BARX2: variants seen among roughly 807,000 people sequenced by gnomAD.
BARX2 encodes homeobox protein BarH-like 2.
A neutral mutation model predicts 25.5 loss-of-function variants in BARX2; 11 were observed. That is an observed-to-expected ratio of 0.43 (90% CI 0.27 to 0.71). The LOEUF is 0.71. Ranked by LOEUF, BARX2 falls within the 30% of genes least tolerant of loss-of-function variation. The probability of loss-of-function intolerance (pLI) is 0.19; values close to 1 mark genes in which losing one functional copy is unlikely to be tolerated. For missense variants in BARX2, 360 were observed against 359.9 expected (o/e 1.00, Z 0.00); for synonymous variants, 137 against 149.5 (o/e 0.92, Z 0.61).
intron 1 of BARX2, among the ~76,000 whole-genome samples, chr11:129,410,551 A>G (rs1565514499): frequency 6.6e-6 from 1 of 152,164 alleles, no homozygotes; most frequent in Non-Finnish European, 1.5e-5. Flanking sequence ...GAGACACTGA[A>G]TGGGAGGGGT....
chr11:129,424,424 G>C (rs1862041816), intron 1 of BARX2, among the ~76,000 whole-genome samples: 1 of 152,088 alleles, frequency 6.6e-6, no homozygotes, highest in African/African-American at 2.4e-5. Context: ...CTTCCTGTGT[G>C]TCTGCCTGTC....
chr11:129,419,427 G>T (rs1263826473), intron 1 of BARX2, among the ~76,000 whole-genome samples: 1 of 152,162 alleles, frequency 6.6e-6, no homozygotes, highest in African/African-American at 2.4e-5. Context: ...AAGTTTCCAA[G>T]AACCTTTCTA....
chr11:129,403,324 G>A (rs2135394196), intron 1 of BARX2, among the ~76,000 whole-genome samples: 1 of 152,350 alleles, frequency 6.6e-6, no homozygotes, highest in African/African-American at 2.4e-5. Flanking sequence ...GGATGAGATG[G>A]CCTTGCACTG....
chr11:129,376,558 G>A lies in BARX2; in HGVS notation c.187+336G>A, dbSNP rs1338939808. Among the ~76,000 whole-genome samples the A allele has an allele frequency of 6.6e-6, 1 of 152,204 alleles. No individual in the cohort carries two copies. The highest frequency in any genetic ancestry group is 1.9e-4 in the East Asian group (1 of 5,196). ...TTCAGCGTCTAAATCGTTGTTTCAG[G>A]AAGTGGTGGTGTGTGTGAATTTCAA... is the stretch of plus-strand genomic sequence containing the variant. On this transcript the variant is annotated intron_variant, in intron 1 of 3. Transcript: ENST00000281437. The surrounding 1 kb of genome is among the most constrained non-coding windows in gnomAD (Gnocchi z 4.2).
chr11:129,417,529 C>T (rs1231320732), intron 1 of BARX2, among the ~76,000 whole-genome samples: 1 of 152,220 alleles, frequency 6.6e-6, no homozygotes, highest in Non-Finnish European at 1.5e-5. Flanking sequence ...GCATTTTAAA[C>T]TCTTCTCTTT....
intron 1 of BARX2, among the ~76,000 whole-genome samples, chr11:129,403,015 G>A (rs1861793557): frequency 6.6e-6 from 1 of 152,236 alleles, no homozygotes; most frequent in African/African-American, 2.4e-5. Context: ...ATATGCAAAT[G>A]CATATTTGGA....
chr11:129,410,639 G>A (rs1463896828), intron 1 of BARX2, among the ~76,000 whole-genome samples: 1 of 152,202 alleles, frequency 6.6e-6, no homozygotes, highest in Non-Finnish European at 1.5e-5. Context: ...TCCAGGCAGG[G>A]AGCAAGCTGT....
At chr11:129,379,987 C>G (rs1187172228) in intron 1 of BARX2, among the ~76,000 whole-genome samples, 1 of 151,896 alleles carries the variant, frequency 6.6e-6, no homozygotes, top group Non-Finnish European at 1.5e-5. Flanking sequence ...CCTGTCTGAT[C>G]TTTGGTGGTT....
intron 3 of BARX2, among the ~76,000 whole-genome samples, chr11:129,444,004 A>C (rs886108915): frequency 3.9e-5 from 6 of 152,062 alleles, no homozygotes; most frequent in African/African-American, 1.4e-4. Context: ...CTAATTTGCT[A>C]ACCTGTCTGG....
rs1469866484 is a variant in BARX2, at chr11:129,442,865, T to G, written c.519T>G (p.Thr173=). ...RLDLAQSLGL[T]QLQVKTWYQN... is the part of the protein sequence containing the mutation. ...ACTTGGCTCAGTCTCTGGGACTCACTCAGCTGCAGGTGAAGACCTGGTATC... is the reference window on the plus strand; with the variant it reads ...ACTTGGCTCAGTCTCTGGGACTCACGCAGCTGCAGGTGAAGACCTGGTATC... The change falls in exon 3 of 4, where the codon ACT becomes ACG. Residue 173 remains threonine, a synonymous_variant. Transcript: ENST00000281437. 1 of 1,614,012 alleles carries G rather than the reference T, an allele frequency of 6.2e-7. No individual in the cohort carries two copies. The highest frequency in any genetic ancestry group is 8.5e-7 in the Non-Finnish European group (1 of 1,179,934).
At chr11:129,403,882 G>A (rs9787954) in intron 1 of BARX2, among the ~76,000 whole-genome samples, 11,031 of 152,058 alleles carry the variant, frequency 0.073, 661 homozygotes, top group East Asian at 0.29. Flanking sequence ...GTGCTGCCAT[G>A]CCCAGCTAAT....
At chr11:129,397,563 A>C (rs902098591) in intron 1 of BARX2, among the ~76,000 whole-genome samples, 1 of 152,150 alleles carries the variant, frequency 6.6e-6, no homozygotes, top group African/African-American at 2.4e-5. Context: ...AGCTAACAAC[A>C]CTTATCGTTT....
intron 1 of BARX2, among the ~76,000 whole-genome samples, chr11:129,423,731 G>C (rs1205044338): frequency 6.6e-6 from 1 of 152,090 alleles, no homozygotes; most frequent in Non-Finnish European, 1.5e-5. Context: ...GTACTCTCTG[G>C]CTTGTGCTGC....
chr11:129,388,424 G>C (rs1242798322), intron 1 of BARX2, among the ~76,000 whole-genome samples: 1 of 152,140 alleles, frequency 6.6e-6, no homozygotes, highest in Admixed American at 6.6e-5. Context: ...ACCAATCTCT[G>C]GGTCACGGTG....
chr11:129,384,945 T>G (rs1455386814), intron 1 of BARX2, among the ~76,000 whole-genome samples: 1 of 152,150 alleles, frequency 6.6e-6, no homozygotes, highest in African/African-American at 2.4e-5. Flanking sequence ...ATGACTTTCC[T>G]AAAGTCACAA....
At chr11:129,385,833 C>T (rs925507750) in intron 1 of BARX2, among the ~76,000 whole-genome samples, 2 of 152,214 alleles carry the variant, frequency 1.3e-5, no homozygotes, top group African/African-American at 4.8e-5. Flanking sequence ...AGTGATAGCA[C>T]AAGAGACCGC....
chr11:129,394,896 C>T (rs1426960031), intron 1 of BARX2, among the ~76,000 whole-genome samples: 7 of 150,106 alleles, frequency 4.7e-5, no homozygotes, highest in Admixed American at 1.3e-4. Context: ...GCAAAGGCAC[C>T]GAGGTTTAGG....
chr11:129,445,147 A>G (rs946721652), intron 3 of BARX2, among the ~76,000 whole-genome samples: 4 of 152,230 alleles, frequency 2.6e-5, no homozygotes, highest in African/African-American at 9.6e-5. Context: ...ATTGGTCTCT[A>G]AAGAACTAGA....
chr11:129,395,252 C>G (rs1861706518), intron 1 of BARX2, among the ~76,000 whole-genome samples: 1 of 152,112 alleles, frequency 6.6e-6, no homozygotes, highest in African/African-American at 2.4e-5. Context: ...CCTAGAGAGT[C>G]TATTTAGTTC....
Sources: allele counts gnomAD v4.1 joint callset (sites outside exome capture counted in the v4.1 genomes callset), GRCh38; gene constraint gnomAD v4.1.1; non-coding constraint Gnocchi (gnomAD v3.1); transcripts MANE v1.5; gene names NCBI Gene and HGNC (gene_info 2026-07-23, HGNC 2026-07-21).